The following COL1A2 variants were observed in gnomAD, a reference collection of about 807,000 sequenced individuals.
The protein encoded by COL1A2 is collagen type I alpha 2 chain, also known as collagen alpha-2(I) chain.
A neutral mutation model predicts 174.3 loss-of-function variants in COL1A2; 49 were observed. The observed-to-expected ratio is 0.28, with a 90% CI of 0.22 to 0.36. The LOEUF (loss-of-function observed/expected upper bound fraction) is 0.36. COL1A2 is among the 10% of genes least tolerant of loss of function. COL1A2 has a pLI of 1.00. For missense variants in COL1A2, 1,438 were observed against 1,822.7 expected (o/e 0.79, Z 3.84); for synonymous variants, 655 against 606.6 (o/e 1.08, Z -1.17).
At chr7:94,404,920 A>G in intron 9 of COL1A2, 28 bp downstream of exon 9, 5 of 1,613,070 alleles carry the variant, frequency 3.1e-6, no homozygotes, top group Non-Finnish European at 4.2e-6. Context: ...AGCACTTTCA[A>G]AATGCTATTT....
intron 8 of COL1A2, 31 bp downstream of exon 8, chr7:94,404,777 T>A (rs753728279): frequency 6.2e-7 from 1 of 1,614,094 alleles, no homozygotes; most frequent in Non-Finnish European, 8.5e-7. Context: ...TTGTGATAAG[T>A]TTTTTTCCAG....
chr7:94,422,826 T>C, intron 39 of COL1A2, 131 bp from the exon 40 acceptor site: 1 of 1,117,434 alleles, frequency 8.9e-7, no homozygotes, highest in Non-Finnish European at 1.3e-6. Context: ...TATAAATATT[T>C]CCCCCAAATG....
rs1791910134 is a variant in COL1A2 at position 94,411,030 on chromosome 7, T to A, written c.1252-26T>A. 2.5e-6 allele frequency: 4 copies of A among 1,586,554 alleles called. No individual in the cohort carries two copies. The Admixed American group carries it at 6.9e-5, about 28-fold the overall frequency. On this transcript the variant is annotated intron_variant, in intron 22 of 51. Transcript: ENST00000297268. ...TTAGCTTTAGCATCCTCCTCCTCTA[T>A]CTGTTTTTTTTTTTTTTTTGAATAG...
Position 94,427,698 on chromosome 7 carries a change from T to C in COL1A2, c.3339T>C (p.Asp1113=), listed in dbSNP as rs768641592. 5 of 1,614,144 alleles carry C rather than the reference T, an allele frequency of 3.1e-6. No individual in the cohort carries two copies. Among genetic ancestry groups the C allele is most frequent in the South Asian group, 1.1e-5 (1 of 91,080 alleles). Residue 1113 remains aspartate (D), a synonymous_variant, in exon 49 of 52, where the codon GAT becomes GAC. Coordinates refer to ENST00000297268, the MANE Select transcript of COL1A2 (RefSeq NM_000089.4). Reference sequence around the variant, plus strand: ...GTGGTGGTTATGACTTTGGTTACGATGGAGACTTCTACAGGGCTGACCAGC... The same window carrying C: ...GTGGTGGTTATGACTTTGGTTACGACGGAGACTTCTACAGGGCTGACCAGC... The part of the protein sequence containing the change: ...VSGGGYDFGY[D]GDFYRADQPR...
rs7804898 is a variant in COL1A2, at chr7:94,426,787, A to G, written c.3106-221A>G. Reference sequence around the variant, plus strand: ...TCCTTCAACCCCACTTAAAATAAACATAATTAGAGGAATGACTAATATTGC... The same window carrying G: ...TCCTTCAACCCCACTTAAAATAAACGTAATTAGAGGAATGACTAATATTGC... On this transcript the variant is annotated intron_variant, in intron 46 of 51. Transcript: ENST00000297268. 77,397 of 626,086 alleles carry G rather than the reference A, an allele frequency of 0.12. 5,412 individuals are homozygous for G. The highest frequency in any genetic ancestry group is 0.17 in the South Asian group (8,560 of 50,654). The allele number at this position is 626,086 out of a possible 1,614,324, so 38.8% of individuals were successfully genotyped here. A position where few individuals can be genotyped will look rare whatever the true frequency, so the allele number is the denominator to read the frequency against.
rs113290292 is a variant in COL1A2 at position 94,406,254 on chromosome 7, A to G, written c.545A>G (p.His182Arg). Residue 182 changes from histidine to arginine, a missense_variant, in exon 12 of 52, where the codon CAC becomes CGC. Coordinates refer to ENST00000297268, the MANE Select transcript of COL1A2 (RefSeq NM_000089.4). ...GLPGFKGIRG[H>R]NGLDGLKGQP... ...ATAATAAGGCTTTCCTTTCAGGGAC[A>G]CAATGGTCTGGATGGATTGAAGGGA... 1 of 1,613,800 alleles carries G rather than the reference A, an allele frequency of 6.2e-7. No individual in the cohort carries two copies. Among genetic ancestry groups the G allele is most frequent in the Non-Finnish European group, 8.5e-7 (1 of 1,179,806 alleles).
rs1294192652 is a variant in COL1A2, at chr7:94,406,138, G to A, written c.541-112G>A. 6 of 1,085,236 alleles carry A rather than the reference G, an allele frequency of 5.5e-6. No individual in the cohort carries two copies. The South Asian group carries it at 6.6e-5, about 12-fold the overall frequency. 67.2% of individuals were successfully genotyped at this position (1,085,236 alleles called of 1,614,324 possible). ...CTGGAACACTGGACTTCTTTCTACTGCAGCAGACAAGACTTACCCAAGAGA... is the reference window on the plus strand; with the variant it reads ...CTGGAACACTGGACTTCTTTCTACTACAGCAGACAAGACTTACCCAAGAGA... On this transcript the variant is annotated intron_variant, in intron 11 of 51. Transcript: ENST00000297268.
In COL1A2 at chr7:94,399,064, A is replaced by G. The variant is rs776258611; in HGVS notation, c.112A>G (p.Arg38Gly). The G allele has an allele frequency of 1.9e-6, 3 of 1,613,770 alleles. No homozygotes were observed. Among genetic ancestry groups the G allele is most frequent in the South Asian group, 1.1e-5 (1 of 91,074 alleles). ...ETVRKGPAGD[R>G]GPRGERGPPG... Reference sequence around the variant, plus strand: ...TTTCCTGTAGGGCCCAGCCGGAGATAGAGGACCACGTGGAGAAAGGGTGTG... The same window carrying G: ...TTTCCTGTAGGGCCCAGCCGGAGATGGAGGACCACGTGGAGAAAGGGTGTG... The change falls in exon 4 of 52, where the codon AGA becomes GGA. Residue 38 changes from arginine (R) to glycine (G), a missense_variant. Physicochemically the swap from Arg to Gly is moderately radical, Grantham distance 125. Around this residue, in one of 3 missense-constraint regions of COL1A2, gnomAD observed 281 missense variants for 310.9 expected, o/e 0.90. Coordinates refer to ENST00000297268, the MANE Select transcript of COL1A2 (RefSeq NM_000089.4).
intron 15 of COL1A2, 50 bp downstream of exon 15, chr7:94,408,430 G>T (rs1295789281): frequency 6.3e-7 from 1 of 1,580,664 alleles, no homozygotes; most frequent in African/African-American, 1.3e-5. Flanking sequence ...TGTGGGGTGG[G>T]TGCTGTCTTC....
intron 28 of COL1A2, 90 bp from the exon 29 acceptor site, chr7:94,414,132 A>G: frequency 2.1e-6 from 3 of 1,429,820 alleles, no homozygotes; most frequent in East Asian, 2.3e-5. Flanking sequence ...TCATGTTGAT[A>G]TTTGGTAGCC....
intron 26 of COL1A2, 30 bp from the exon 27 acceptor site, chr7:94,413,660 A>G: frequency 1.9e-6 from 3 of 1,610,960 alleles, no homozygotes; most frequent in Non-Finnish European, 8.5e-7. Flanking sequence ...CTTGCAGCTA[A>G]CCATCAGCCT....
At chr7:94,429,503 AGG>A in intron 51 of COL1A2, 73 bp downstream of exon 51, 1 of 1,546,888 alleles carries the variant, frequency 6.5e-7, no homozygotes, top group African/African-American at 1.4e-5. Context: ...ACTGCCCCCA[AGG>A]GGGGGTCTAA....
In COL1A2 at chr7:94,408,167, A is replaced by T; in HGVS notation, c.640-16A>T. 1 of 1,613,542 alleles carries T rather than the reference A, an allele frequency of 6.2e-7. No homozygotes were observed. Among genetic ancestry groups the T allele is most frequent in the Non-Finnish European group, 8.5e-7 (1 of 1,179,716 alleles). On this transcript the variant is annotated splice_polypyrimidine_tract_variant and intron_variant, in intron 13 of 51. Transcript: ENST00000297268. ...ATTAGCATTCTGGATTTTATTGAAA[A>T]TATTTCTGCTTCTAGGGAGCCCGTG...
At chr7:94,407,747 A>G (rs1791831716) in intron 12 of COL1A2, 100 bp from the exon 13 acceptor site, 3 of 981,208 alleles carry the variant, frequency 3.1e-6, no homozygotes, top group South Asian at 2.8e-5. Context: ...ATTATGAAGT[A>G]TATGAATGGT....
Position 94,425,270 on chromosome 7 carries a change from A to G in COL1A2, c.2781+46A>G, listed in dbSNP as rs750434214. 8 of 1,548,884 alleles carry G rather than the reference A, an allele frequency of 5.2e-6. No individual in the cohort carries two copies. The East Asian group carries it at 1.1e-4, about 22-fold the overall frequency. ...GTAAAATAAAACTGAGCAGGATTTCATTGTGTGAAACTTTATGTCCTGAGC... is the reference window on the plus strand; with the variant it reads ...GTAAAATAAAACTGAGCAGGATTTCGTTGTGTGAAACTTTATGTCCTGAGC... On this transcript the variant is annotated intron_variant, in intron 42 of 51. Coordinates refer to ENST00000297268, the MANE Select transcript of COL1A2 (RefSeq NM_000089.4).
At position 94,425,174 on chromosome 7, in the gene COL1A2, G is replaced by T; in HGVS notation, c.2731G>T (p.Ala911Ser). Residue 911 changes from alanine to serine, a missense_variant, in exon 42 of 52, where the codon GCT becomes TCT. This residue lies in a region of COL1A2 where 867 missense variants were observed against 1,213.7 expected (regional missense o/e 0.71). Transcript: ENST00000297268. ...TCCTGGGGCCCGTGGTCCTCCTGGT[G>T]CTGTGGGTAGTCCTGGAGTCAACGG... ...GPPGARGPPGAVGSPGVNGAP... is the reference protein window; with the variant it reads ...GPPGARGPPGSVGSPGVNGAP... 2 of 1,614,182 alleles carry T rather than the reference G, an allele frequency of 1.2e-6. No individual in the cohort carries two copies. Among genetic ancestry groups the T allele is most frequent in the Non-Finnish European group, 1.7e-6 (2 of 1,180,018 alleles).
At chr7:94,424,494 A>T in intron 41 of COL1A2, 51 bp downstream of exon 41, 1 of 1,497,170 alleles carries the variant, frequency 6.7e-7, no homozygotes, top group Non-Finnish European at 9.3e-7. Flanking sequence ...AAGATTTTAA[A>T]AGCTGCCACT....
chr7:94,414,180 C>T (rs759959417), intron 28 of COL1A2, 42 bp from the exon 29 acceptor site: 27 of 1,603,878 alleles, frequency 1.7e-5, no homozygotes, highest in Non-Finnish European at 2.0e-5. Flanking sequence ...ATCTCCTGAA[C>T]GTAGCCATGG....
chr7:94,405,399 T>TA (rs201315526), intron 10 of COL1A2, 147 bp downstream of exon 10: 192 of 797,998 alleles, frequency 2.4e-4, no homozygotes, highest in Non-Finnish European at 3.2e-4. Flanking sequence ...AAAGCCTAGT[T>TA]AAAAAAAAAT....
Sources: gnomAD v4.1 joint callset for allele counts on GRCh38, gnomAD v4.1.1 for gene constraint, gnomAD v4.1.1 regional missense constraint, MANE v1.5 for transcripts, NCBI Gene and HGNC (gene_info 2026-07-23, HGNC 2026-07-21) for gene names.